NCOA2: variants seen among roughly 807,000 people sequenced by gnomAD.
NCOA2 encodes nuclear receptor coactivator 2, also known as class E basic helix-loop-helix protein 75.
In NCOA2, 21 loss-of-function variants were observed where a neutral mutation model predicts 145.1. The observed-to-expected ratio is 0.14, with a 90% CI of 0.10 to 0.21. NCOA2 has a LOEUF of 0.21. NCOA2 is among the 10% of genes least tolerant of loss of function. The probability of loss-of-function intolerance (pLI) is 1.00; values close to 1 mark genes in which losing one functional copy is unlikely to be tolerated. For synonymous variants in NCOA2, 619 were observed against 637.5 expected (o/e 0.97, Z 0.44); for missense variants, 1,472 against 1,837.6 (o/e 0.80, Z 3.64).
chr8:70,123,872 T>G lies in NCOA2; in HGVS notation c.4293+12A>C, dbSNP rs199639943. 2.5e-5 allele frequency: 39 copies of G among 1,591,408 alleles called. No homozygotes were observed. Among genetic ancestry groups the G allele is most frequent in the Non-Finnish European group, 3.3e-5 (39 of 1,165,286 alleles). On this transcript the variant is annotated intron_variant, in intron 21 of 22. Transcript: ENST00000452400. ...TATGAAGCCACTGGGTTGCTTCTCC[T>G]TGGGCACTCACCTGCTCGGGACCCA... is the stretch of plus-strand genomic sequence containing the variant.
rs976864132 is a variant in NCOA2 at position 70,289,910 on chromosome 8, T to C, written c.-20+6834A>G. Among the ~76,000 whole-genome samples the C allele has an allele frequency of 3.9e-5, 6 of 152,138 alleles. No individual in the cohort carries two copies. The East Asian group carries it at 1.2e-3, about 29-fold the overall frequency. On this transcript the variant is annotated intron_variant, in intron 2 of 22. Coordinates refer to ENST00000452400, the MANE Select transcript of NCOA2 (RefSeq NM_006540.4). ...CTATTCACAGGTAATCAGGACACAC[T>C]ACAGCCTCCAACTCTTGGGCTCAAG... is the stretch of plus-strand genomic sequence containing the variant.
intron 1 of NCOA2, among the ~76,000 whole-genome samples, chr8:70,298,929 CAGG>C (rs1341890318): frequency 1.3e-5 from 2 of 152,054 alleles, no homozygotes; most frequent in Non-Finnish European, 2.9e-5. Flanking sequence ...GCCGTGGTGG[CAGG>C]CGCCTGTAGT....
intron 22 of NCOA2, among the ~76,000 whole-genome samples, chr8:70,117,788 T>C (rs1807318851): frequency 6.6e-6 from 1 of 152,182 alleles, no homozygotes; most frequent in South Asian, 2.1e-4. Flanking sequence ...TACCAGACAG[T>C]TGTGGTGTGG....
chr8:70,353,103 T>C (rs1232104514), intron 1 of NCOA2, among the ~76,000 whole-genome samples: 8 of 152,190 alleles, frequency 5.3e-5, no homozygotes, highest in Admixed American at 5.2e-4. Context: ...AGTTTTACTT[T>C]AAAAACATTT....
At chr8:70,255,684 C>G (rs1417715222) in intron 2 of NCOA2, among the ~76,000 whole-genome samples, 1 of 152,180 alleles carries the variant, frequency 6.6e-6, no homozygotes, top group African/African-American at 2.4e-5. Flanking sequence ...CCAATTAAAT[C>G]ACTTTTAAGC....
Position 70,131,884 on chromosome 8 carries a change from G to A in NCOA2, c.3277C>T (p.Leu1093=), listed in dbSNP as rs1354372421. The A allele has an allele frequency of 6.2e-7, 1 of 1,602,988 alleles. No homozygotes were observed. Among genetic ancestry groups the A allele is most frequent in the South Asian group, 1.1e-5 (1 of 88,430 alleles). ...CCTAAGGCTCTATCAATCTCCTCCAGGCCATCAAAATTCCGCAAGGCCAGA... is the reference window on the plus strand; with the variant it reads ...CCTAAGGCTCTATCAATCTCCTCCAAGCCATCAAAATTCCGCAAGGCCAGA... ...LYLALRNFDG[L]EEIDRALGIP... is the part of the protein sequence containing the mutation. Residue 1093 remains leucine, a synonymous_variant, in exon 16 of 23, where the codon CTG becomes TTG. Transcript: ENST00000452400.
intron 2 of NCOA2, among the ~76,000 whole-genome samples, chr8:70,271,906 A>T (rs939302479): frequency 2.0e-5 from 3 of 152,226 alleles, no homozygotes; most frequent in Non-Finnish European, 4.4e-5. Flanking sequence ...TTCCTAGCTA[A>T]ATCTCTCCAC....
intron 22 of NCOA2, among the ~76,000 whole-genome samples, chr8:70,115,216 T>A (rs902097816): frequency 1.3e-5 from 2 of 152,180 alleles, no homozygotes; most frequent in African/African-American, 4.8e-5. Flanking sequence ...AATGGTACGA[T>A]CTCGGCTCAC....
chr8:70,301,031 C>T (rs986422885), intron 1 of NCOA2, among the ~76,000 whole-genome samples: 2 of 152,146 alleles, frequency 1.3e-5, no homozygotes, highest in Non-Finnish European at 2.9e-5. Flanking sequence ...TGGGTTCTAA[C>T]CCACAAGAGT....
intron 4 of NCOA2, among the ~76,000 whole-genome samples, chr8:70,209,712 A>T (rs1178049587): frequency 6.6e-6 from 1 of 152,196 alleles, no homozygotes; most frequent in Non-Finnish European, 1.5e-5. Flanking sequence ...AGGTATTTTT[A>T]AGTTAAAATG....
At chr8:70,124,156 G>C (rs1424285066) in intron 20 of NCOA2, 74 bp from the exon 21 acceptor site, 1 of 1,404,888 alleles carries the variant, frequency 7.1e-7, no homozygotes, top group Non-Finnish European at 9.8e-7. Context: ...CAGGGCACTT[G>C]TTTCTCAGGC....
the NCOA2 span, among the ~76,000 whole-genome samples, chr8:70,425,013 A>G: frequency 6.6e-6 from 1 of 152,224 alleles, no homozygotes; most frequent in Non-Finnish European, 1.5e-5. Flanking sequence ...AAGGACATAC[A>G]TAAACAGAGA....
intron 4 of NCOA2, among the ~76,000 whole-genome samples, chr8:70,203,057 G>C (rs1212859453): frequency 1.3e-5 from 2 of 152,190 alleles, no homozygotes; most frequent in African/African-American, 4.8e-5. Context: ...GAGGTCAAAA[G>C]ATCGAGACCA....
intron 2 of NCOA2, among the ~76,000 whole-genome samples, chr8:70,227,868 T>G (rs943147374): frequency 6.6e-6 from 1 of 151,750 alleles, no homozygotes; most frequent in Non-Finnish European, 1.5e-5. Context: ...ACAAAAAAAT[T>G]AGCCGGGCAT....
intron 4 of NCOA2, among the ~76,000 whole-genome samples, chr8:70,197,958 C>G (rs1042186080): frequency 6.6e-6 from 1 of 152,050 alleles, no homozygotes; most frequent in Non-Finnish European, 1.5e-5. Context: ...ACCACCATGC[C>G]CATTTAATTT....
the NCOA2 span, among the ~76,000 whole-genome samples, chr8:70,455,928 T>A: frequency 6.6e-6 from 1 of 152,122 alleles, no homozygotes; most frequent in Admixed American, 6.5e-5. Flanking sequence ...GCAGAGTTTA[T>A]AAAATGAAAA....
chr8:70,193,504 T>C (rs1816919762), intron 4 of NCOA2, among the ~76,000 whole-genome samples: 1 of 152,222 alleles, frequency 6.6e-6, no homozygotes. Context: ...CAACTTCTGA[T>C]CTTTGACAAT....
chr8:70,377,713 T>C (rs1278105202), intron 1 of NCOA2, among the ~76,000 whole-genome samples: 1 of 152,182 alleles, frequency 6.6e-6, no homozygotes, highest in Admixed American at 6.5e-5. Context: ...TGTAAATTAG[T>C]TCATGGGCAG....
rs112535100 is a variant in NCOA2 at position 70,268,581 on chromosome 8, T to A, written c.-20+28163A>T. Among the ~76,000 whole-genome samples the A allele has an allele frequency of 2.5e-3, 388 of 152,338 alleles. 2 individuals are homozygous for A. Among genetic ancestry groups the A allele is most frequent in the African/African-American group, 8.8e-3 (365 of 41,572 alleles). On this transcript the variant is annotated intron_variant, in intron 2 of 22. Coordinates refer to ENST00000452400, the MANE Select transcript of NCOA2 (RefSeq NM_006540.4). ...GTAATTACTATATAATGCTTAAGAT[T>A]ATAGGCTCTTGTGTGACACTAGTTC...
Sources: gnomAD v4.1 joint callset for allele counts (sites outside exome capture counted in the v4.1 genomes callset) on GRCh38, gnomAD v4.1.1 for gene constraint, MANE v1.5 for transcripts, NCBI Gene and HGNC (gene_info 2026-07-23, HGNC 2026-07-21) for gene names.